Variants in DHRS1 observed in about 807,000 individuals in gnomAD.
DHRS1 encodes dehydrogenase/reductase SDR family member 1.
In DHRS1, 34 loss-of-function variants were observed where a neutral mutation model predicts 35.2. The ratio of observed to expected loss-of-function variants is 0.97; its 90% CI spans 0.74 to 1.29. The LOEUF (loss-of-function observed/expected upper bound fraction) is 1.29. Among genes scored for constraint, DHRS1 ranks in the 50% most tolerant of loss-of-function variants. The pLI, the probability that DHRS1 is intolerant of heterozygous loss-of-function variation, is 0.00. For synonymous variants in DHRS1, 133 were observed against 160.0 expected (o/e 0.83, Z 1.27); for missense variants, 354 against 403.6 (o/e 0.88, Z 1.05).
chr14:24,296,626 T>C, intron 3 of DHRS1, 38 bp from the exon 4 acceptor site: 2 of 1,612,658 alleles, frequency 1.2e-6, no homozygotes, highest in Non-Finnish European at 1.7e-6. Flanking sequence ...GATCTGAAGG[T>C]AGGGAGGTGT....
intron 4 of DHRS1, among the ~76,000 whole-genome samples, chr14:24,295,042 T>C (rs1280782505): frequency 6.6e-6 from 1 of 152,234 alleles, no homozygotes; most frequent in Non-Finnish European, 1.5e-5. Flanking sequence ...TTTCTTTTTT[T>C]CTATTTTTCC....
At chr14:24,296,478 G>C in intron 4 of DHRS1, 31 bp downstream of exon 4, 1 of 1,611,308 alleles carries the variant, frequency 6.2e-7, no homozygotes, top group Non-Finnish European at 8.5e-7. Context: ...AGTGAGTGAG[G>C]GAACATGGGT....
At chr14:24,299,542 G>T (rs370567437) in intron 1 of DHRS1, 39 bp downstream of exon 1, 2 of 218,950 alleles carry the variant, frequency 9.1e-6, no homozygotes, top group Non-Finnish European at 1.8e-5. Flanking sequence ...GAAGCCTGGA[G>T]ATCCTAAGCC....
chr14:24,291,669 C>T, intron 6 of DHRS1, 44 bp from the exon 7 acceptor site: 1 of 1,580,760 alleles, frequency 6.3e-7, no homozygotes, highest in Admixed American at 1.7e-5. Context: ...TTTCCAAGAG[C>T]ACTGCCCAGG....
intron 2 of DHRS1, 94 bp downstream of exon 2, chr14:24,298,863 T>C: frequency 7.4e-7 from 1 of 1,356,190 alleles, no homozygotes; most frequent in South Asian, 1.4e-5. Context: ...TGAGTAGTAT[T>C]ATAGTTTCAG....
At chr14:24,299,557 G>T (rs2041327218) in intron 1 of DHRS1, 24 bp downstream of exon 1, 1 of 231,652 alleles carries the variant, frequency 4.3e-6, no homozygotes, top group African/African-American at 2.3e-5. Context: ...TAAGCCCTAA[G>T]TGGGACGAGC....
At chr14:24,298,133 A>G (rs1323681584) in intron 2 of DHRS1, among the ~76,000 whole-genome samples, 1 of 152,068 alleles carries the variant, frequency 6.6e-6, no homozygotes, top group Non-Finnish European at 1.5e-5. Context: ...GCAACCTCGA[A>G]CTCCTGGGCT....
Position 24,290,848 on chromosome 14 carries a change from G to C in DHRS1, c.*11C>G. 6.2e-7 allele frequency: 1 copy of C among 1,613,644 alleles called. No homozygotes were observed. Among genetic ancestry groups the C allele is most frequent in the Non-Finnish European group, 8.5e-7 (1 of 1,179,924 alleles). ...GAAGACAAGCAGAGACGTAGTGTCA[G>C]ACCAGGAGGGTTAGAACTTGCTAGT... is the stretch of plus-strand genomic sequence containing the variant. On this transcript the variant is annotated 3_prime_UTR_variant, in exon 9 of 9. Coordinates refer to ENST00000288111, the MANE Select transcript of DHRS1 (RefSeq NM_001136050.3).
chr14:24,299,012 G>A lies in DHRS1; in HGVS notation c.95C>T (p.Ala32Val), dbSNP rs1040694859. 4 of 1,613,992 alleles carry A rather than the reference G, an allele frequency of 2.5e-6. No individual in the cohort carries two copies. The highest frequency in any genetic ancestry group is 1.1e-5 in the South Asian group (1 of 91,080). ...GIALQLCKAGATVYITGRHLD... is the reference protein window; with the variant it reads ...GIALQLCKAGVTVYITGRHLD... ...ATGGCGGCCAGTGATGTAAACTGTG[G>A]CGCCTGCTTTGCAGAGCTGCAAGGC... is the stretch of plus-strand genomic sequence containing the variant. The change falls in exon 2 of 9, where the codon GCC becomes GTC. Residue 32 changes from alanine to valine, a missense_variant. Physicochemically the swap from Ala to Val is moderately conservative, Grantham distance 64. Transcript: ENST00000288111.
intron 4 of DHRS1, 96 bp downstream of exon 4, chr14:24,296,413 G>C: frequency 1.7e-6 from 2 of 1,182,390 alleles, no homozygotes; most frequent in South Asian, 2.5e-5. Context: ...GATGGGGGAG[G>C]CCGGAGGGAA....
Position 24,299,044 on chromosome 14 carries a change from A to G in DHRS1, c.63T>C (p.Arg21=), listed in dbSNP as rs1272433195. ...CTTTGCAGAGCTGCAAGGCAATGCC[A>G]CGGCCAATACCCCTGGAGGCACCAG... ...VVTGASRGIG[R]GIALQLCKAG... Residue 21 remains arginine (R), a synonymous_variant, in exon 2 of 9, where the codon CGT becomes CGC. Transcript: ENST00000288111. 1 of 1,614,140 alleles carries G rather than the reference A, an allele frequency of 6.2e-7. No individual in the cohort carries two copies. Among genetic ancestry groups the G allele is most frequent in the Admixed American group, 1.7e-5 (1 of 60,026 alleles).
rs745613585 is a variant in DHRS1, at chr14:24,292,634, A to G, written c.507+18T>C. 1.1e-5 allele frequency: 18 copies of G among 1,614,214 alleles called. 1 individual carries two copies. In the South Asian group the frequency reaches 1.9e-4, roughly 17 times the overall value. ...ACTGTCTTTTACCTCCTCAGCTCCT[A>G]TGCCACTGGGTCCTCACCGCAGCTT... On this transcript the variant is annotated intron_variant, in intron 5 of 8. Coordinates refer to ENST00000288111, the MANE Select transcript of DHRS1 (RefSeq NM_001136050.3).
intron 7 of DHRS1, 63 bp from the exon 8 acceptor site, chr14:24,291,282 G>A (rs929438635): frequency 6.4e-7 from 1 of 1,551,208 alleles, no homozygotes; most frequent in Admixed American, 1.7e-5. Flanking sequence ...CAAGGTTTGG[G>A]CCCAGTTGGA....
At chr14:24,292,464 T>C in intron 5 of DHRS1, 134 bp from the exon 6 acceptor site, 1 of 1,474,610 alleles carries the variant, frequency 6.8e-7, no homozygotes, top group Non-Finnish European at 9.2e-7. Flanking sequence ...CTGCCCACGC[T>C]CCCCAGTGTG....
At chr14:24,291,916 T>C in intron 6 of DHRS1, 1 of 602,312 alleles carries the variant, frequency 1.7e-6, no homozygotes, top group Non-Finnish European at 2.9e-6. Flanking sequence ...GGGGGTCAAG[T>C]GCATGGTCTT....
At chr14:24,296,956 G>T in intron 2 of DHRS1, 75 bp from the exon 3 acceptor site, 1 of 1,599,072 alleles carries the variant, frequency 6.3e-7, no homozygotes, top group Non-Finnish European at 8.5e-7. Flanking sequence ...CAACCAAAGT[G>T]GGCTTGAGAA....
At chr14:24,291,960 G>A (rs1345192259) in intron 6 of DHRS1, 2 of 629,476 alleles carry the variant, frequency 3.2e-6, no homozygotes, top group East Asian at 2.8e-5. Context: ...TAGGACATAT[G>A]TGACCTTCAA....
intron 1 of DHRS1, 152 bp from the exon 2 acceptor site, chr14:24,299,282 G>T: frequency 1.5e-6 from 1 of 689,120 alleles, no homozygotes; most frequent in Non-Finnish European, 2.3e-6. Flanking sequence ...CTGACAACTG[G>T]GTGCGGGCCT....
In DHRS1 at chr14:24,296,589, C is replaced by G. The variant is rs747862323; in HGVS notation, c.295-1G>C. On this transcript the variant is annotated splice_acceptor_variant, in intron 3 of 8. Coordinates refer to ENST00000288111, the MANE Select transcript of DHRS1 (RefSeq NM_001136050.3). LOFTEE classifies it high-confidence loss of function. ...CCTTATTCCTGGTGTTCAGGATCGTCTGGAAGGCACAGGGAGGGTGATGAA... is the reference window on the plus strand; with the variant it reads ...CCTTATTCCTGGTGTTCAGGATCGTGTGGAAGGCACAGGGAGGGTGATGAA... 5.0e-6 allele frequency: 8 copies of G among 1,613,754 alleles called. No individual in the cohort carries two copies. The highest frequency in any genetic ancestry group is 3.3e-4 in the Middle Eastern group (2 of 6,084).
Sources: allele counts gnomAD v4.1 joint callset (sites outside exome capture counted in the v4.1 genomes callset), GRCh38; gene constraint gnomAD v4.1.1; transcripts MANE v1.5; gene names NCBI Gene and HGNC (gene_info 2026-07-23, HGNC 2026-07-21).